Variants in KAZN observed in about 807,000 individuals in gnomAD.
KAZN encodes kazrin, periplakin interacting protein.
In KAZN, 40 loss-of-function variants were observed where a neutral mutation model predicts 87.4. The observed-to-expected ratio is 0.46, with a 90% CI of 0.36 to 0.60. The LOEUF (loss-of-function observed/expected upper bound fraction) is 0.60. Ranked by LOEUF, KAZN falls within the 20% of genes least tolerant of loss-of-function variation. The pLI is 0.00. For synonymous variants in KAZN, 466 were observed against 458.3 expected (o/e 1.02, Z -0.22); for missense variants, 898 against 1,073.9 (o/e 0.84, Z 2.29).
At chr1:14,574,544 G>T (rs1383963569) in intron 2 of KAZN, among the ~76,000 whole-genome samples, 1 of 152,188 alleles carries the variant, frequency 6.6e-6, no homozygotes, top group Admixed American at 6.5e-5. Context: ...CTGCCGCCAT[G>T]TAAGACATGC....
intron 1 of KAZN, among the ~76,000 whole-genome samples, chr1:13,951,931 T>TA (rs1180144965): frequency 1.3e-5 from 2 of 152,220 alleles, no homozygotes; most frequent in Non-Finnish European, 2.9e-5. Context: ...CTAGCTGTGC[T>TA]ATTTATTATC....
chr1:15,057,983 A>G (rs961737292), intron 5 of KAZN, among the ~76,000 whole-genome samples: 2 of 152,166 alleles, frequency 1.3e-5, no homozygotes, highest in African/African-American at 2.4e-5. Flanking sequence ...CCTCCACAGT[A>G]TCTGCCTCAC....
chr1:13,968,205 G>T (rs1642012714), intron 1 of KAZN, among the ~76,000 whole-genome samples: 1 of 152,142 alleles, frequency 6.6e-6, no homozygotes, highest in African/African-American at 2.4e-5. Flanking sequence ...GGCACTCTGG[G>T]ACTTCAGATT....
chr1:14,699,514 G>A (rs564158924), intron 1 of KAZN, among the ~76,000 whole-genome samples: 1 of 152,328 alleles, frequency 6.6e-6, no homozygotes, highest in East Asian at 1.9e-4. Context: ...CAGTGGGACA[G>A]GGACATACCA....
At chr1:14,430,309 G>C (rs1429610876) in intron 2 of KAZN, among the ~76,000 whole-genome samples, 1 of 149,954 alleles carries the variant, frequency 6.7e-6, no homozygotes, top group Non-Finnish European at 1.5e-5. Context: ...CATGTTTGCT[G>C]TGTGTGTGTT....
chr1:14,246,333 A>T (rs12563621), intron 2 of KAZN, among the ~76,000 whole-genome samples: 4,615 of 136,994 alleles, frequency 0.034, 117 homozygotes, highest in East Asian at 0.13. Flanking sequence ...GAACTTAATT[A>T]AAAAATATAT....
At chr1:14,382,663 G>A (rs1433593187) in intron 2 of KAZN, among the ~76,000 whole-genome samples, 1 of 146,162 alleles carries the variant, frequency 6.8e-6, no homozygotes, top group Non-Finnish European at 1.5e-5. Context: ...ATTTTTTATG[G>A]CTGCATAGTA....
At chr1:14,396,405 G>C (rs1662906558) in intron 2 of KAZN, among the ~76,000 whole-genome samples, 1 of 152,146 alleles carries the variant, frequency 6.6e-6, no homozygotes, top group Non-Finnish European at 1.5e-5. Flanking sequence ...CCGTGGCTTA[G>C]ACATACAGGT....
chr1:14,410,610 C>A (rs923378724), intron 2 of KAZN, among the ~76,000 whole-genome samples: 1 of 152,144 alleles, frequency 6.6e-6, no homozygotes. Flanking sequence ...AGTTAATGAT[C>A]TTGAGATGGA....
chr1:14,986,065 T>C (rs1403267170), intron 2 of KAZN, among the ~76,000 whole-genome samples: 1 of 148,146 alleles, frequency 6.8e-6, no homozygotes, highest in Non-Finnish European at 1.5e-5. Flanking sequence ...ACCTTCTAGA[T>C]TAAAGATTAA....
At chr1:14,216,685 G>T (rs894631480) in intron 2 of KAZN, among the ~76,000 whole-genome samples, 4 of 151,990 alleles carry the variant, frequency 2.6e-5, no homozygotes, top group African/African-American at 9.7e-5. Context: ...GCAGGTGGAT[G>T]ACCTGTCAGG....
intron 2 of KAZN, among the ~76,000 whole-genome samples, chr1:14,291,259 G>T (rs1281640950): frequency 2.0e-5 from 3 of 152,226 alleles, no homozygotes; most frequent in Non-Finnish European, 2.9e-5. Context: ...AGTTTCTGCT[G>T]CCTTTTGTTC....
intron 3 of KAZN, among the ~76,000 whole-genome samples, chr1:15,041,495 G>A (rs1020409345): frequency 3.0e-4 from 45 of 151,116 alleles, no homozygotes; most frequent in African/African-American, 8.8e-4. Flanking sequence ...GCACCACCAC[G>A]CCCAGCTAAC....
At chr1:14,714,854 GC>G (rs1642704756) in intron 1 of KAZN, among the ~76,000 whole-genome samples, 2 of 147,906 alleles carry the variant, frequency 1.4e-5, no homozygotes, top group Admixed American at 6.7e-5. Flanking sequence ...GAGTGCAGTG[GC>G]ACAATCACAG....
intron 2 of KAZN, among the ~76,000 whole-genome samples, chr1:14,233,128 A>T (rs1304614666): frequency 1.3e-5 from 2 of 151,938 alleles, no homozygotes; most frequent in Non-Finnish European, 2.9e-5. Context: ...CTTAGTTGCT[A>T]AATTCTTTTA....
intron 2 of KAZN, among the ~76,000 whole-genome samples, chr1:15,031,809 C>T (rs1336610818): frequency 1.3e-5 from 2 of 152,118 alleles, no homozygotes; most frequent in African/African-American, 4.8e-5. Flanking sequence ...TGAGGTCTCA[C>T]CATGTCGTCC....
At chr1:14,126,618 G>T (rs989921366) in intron 1 of KAZN, among the ~76,000 whole-genome samples, 1 of 139,504 alleles carries the variant, frequency 7.2e-6, no homozygotes, top group Admixed American at 7.7e-5. Context: ...TTTTACAAAT[G>T]CAAAAGTATG....
chr1:14,829,679 G>A (rs1391286945), intron 1 of KAZN, among the ~76,000 whole-genome samples: 5 of 152,206 alleles, frequency 3.3e-5, no homozygotes, highest in African/African-American at 7.2e-5. Flanking sequence ...GAGGAGAGAC[G>A]ACTGTTACAG....
intron 1 of KAZN, among the ~76,000 whole-genome samples, chr1:14,042,853 T>C (rs1641900334): frequency 1.3e-5 from 2 of 152,262 alleles, no homozygotes; most frequent in Admixed American, 6.5e-5. Flanking sequence ...TCAGTGTTTC[T>C]GCTTACGTAC....
Sources: allele counts gnomAD v4.1 joint callset (sites outside exome capture counted in the v4.1 genomes callset), GRCh38; gene constraint gnomAD v4.1.1; transcripts MANE v1.5; gene names NCBI Gene and HGNC (gene_info 2026-07-23, HGNC 2026-07-21).